The following POLN variants were observed in gnomAD, a reference collection of about 807,000 sequenced individuals.
POLN encodes the protein DNA polymerase N.
A neutral mutation model predicts 113.5 loss-of-function variants in POLN; 108 were observed. The ratio of observed to expected loss-of-function variants is 0.95; its 90% CI spans 0.81 to 1.12. POLN has a LOEUF of 1.12. Ranked by LOEUF, POLN falls within the 50% of genes most tolerant of loss-of-function variation. The probability of loss-of-function intolerance (pLI) is 0.00; values close to 1 mark genes in which losing one functional copy is unlikely to be tolerated. For missense variants in POLN, 1,097 were observed against 1,077.1 expected, an observed-to-expected ratio of 1.02 and a Z score of -0.26; for synonymous variants, 386 against 391.5, an observed-to-expected ratio of 0.99 and a Z score of 0.17.
chr4:2,149,437 G>C (rs1732233809), intron 16 of POLN, among the ~76,000 whole-genome samples: 1 of 152,156 alleles, frequency 6.6e-6, no homozygotes, highest in Non-Finnish European at 1.5e-5. Context: ...AAATGTTAAA[G>C]GATGTCCTTT....
At chr4:2,125,336 G>A (rs1336675475) in intron 19 of POLN, among the ~76,000 whole-genome samples, 1 of 152,216 alleles carries the variant, frequency 6.6e-6, no homozygotes, top group Non-Finnish European at 1.5e-5. Context: ...CGGAGACAGT[G>A]AGGTGGGGTG....
At chr4:2,220,404 T>TTTC (rs1191577470) in intron 3 of POLN, among the ~76,000 whole-genome samples, 2 of 152,088 alleles carry the variant, frequency 1.3e-5, no homozygotes, top group African/African-American at 2.4e-5. Flanking sequence ...TCCTACTGAG[T>TTTC]TTCACAAGCA....
At chr4:2,171,006 A>G in intron 12 of POLN, 92 bp downstream of exon 12, 1 of 1,181,262 alleles carries the variant, frequency 8.5e-7, no homozygotes, top group African/African-American at 1.6e-5. Context: ...CAGATAGTTG[A>G]CATAAAATAA....
At chr4:2,081,240 G>A (rs1036979631) in intron 22 of POLN, 2 of 1,489,636 alleles carry the variant, frequency 1.3e-6, no homozygotes, top group Admixed American at 3.9e-5. Flanking sequence ...AGGGCACCTG[G>A]GTTTTGGGTG....
intron 7 of POLN, among the ~76,000 whole-genome samples, chr4:2,189,013 G>C (rs532367128): frequency 2.0e-5 from 3 of 151,658 alleles, no homozygotes; most frequent in South Asian, 2.1e-4. Context: ...TTTTTGTAAG[G>C]CTCCTTTTTA....
At chr4:2,173,842 C>T in intron 11 of POLN, 113 bp downstream of exon 11, 4 of 1,053,612 alleles carry the variant, frequency 3.8e-6, no homozygotes, top group Non-Finnish European at 5.8e-6. Context: ...ACACTGTCAA[C>T]ACCAAACAAG....
At chr4:2,226,169 C>T (rs746712929) in intron 3 of POLN, among the ~76,000 whole-genome samples, 1 of 152,010 alleles carries the variant, frequency 6.6e-6, no homozygotes, top group East Asian at 1.9e-4. Flanking sequence ...CAGCTCCAAC[C>T]GATGGGAAGC....
chr4:2,104,794 T>C (rs886671866), intron 19 of POLN, among the ~76,000 whole-genome samples: 26 of 152,172 alleles, frequency 1.7e-4, no homozygotes, highest in Non-Finnish European at 3.4e-4. Context: ...GCCCCATGAA[T>C]AGACTGTGGC....
chr4:2,229,081 T>A lies in POLN; in HGVS notation c.133+18A>T. Reference sequence around the variant, plus strand: ...TTCAAAGTATCAAGAGAAAGAAAGGTTCATAAAAATTACTTACTCTCTGTA... The same window carrying A: ...TTCAAAGTATCAAGAGAAAGAAAGGATCATAAAAATTACTTACTCTCTGTA... On this transcript the variant is annotated intron_variant, in intron 3 of 25. Transcript: ENST00000511885. The A allele has an allele frequency of 6.4e-7, 1 of 1,563,756 alleles. No homozygotes were observed. The highest frequency in any genetic ancestry group is 8.7e-7 in the Non-Finnish European group (1 of 1,149,766).
chr4:2,189,275 A>C (rs1233721365), intron 7 of POLN, among the ~76,000 whole-genome samples: 1 of 152,244 alleles, frequency 6.6e-6, no homozygotes, highest in Non-Finnish European at 1.5e-5. Context: ...TGCTTACTAG[A>C]AACCCACTTT....
chr4:2,159,118 C>G (rs534064895), intron 14 of POLN, 37 bp downstream of exon 14: 8 of 1,482,394 alleles, frequency 5.4e-6, no homozygotes, highest in Non-Finnish European at 5.7e-6. Context: ...TCCCCCTCAT[C>G]ACCTTTTACC....
intron 3 of POLN, among the ~76,000 whole-genome samples, chr4:2,213,357 A>T (rs1442863960): frequency 2.0e-5 from 3 of 152,230 alleles, no homozygotes; most frequent in Non-Finnish European, 4.4e-5. Flanking sequence ...TAATCATAAA[A>T]CATTTATTAA....
intron 19 of POLN, among the ~76,000 whole-genome samples, chr4:2,106,771 C>T (rs966350096): frequency 5.9e-5 from 9 of 151,668 alleles, no homozygotes; most frequent in Non-Finnish European, 2.9e-5. Flanking sequence ...TTATTCATAC[C>T]ACTGTGTTTT....
intron 3 of POLN, chr4:2,228,585 C>T (rs1289264160): frequency 5.9e-6 from 1 of 169,890 alleles, no homozygotes; most frequent in African/African-American, 2.4e-5. Context: ...GATCGCCGAC[C>T]TCGGCCTCCC....
chr4:2,173,766 C>T (rs1268746460), intron 11 of POLN, among the ~76,000 whole-genome samples, 189 bp downstream of exon 11: 6 of 152,120 alleles, frequency 3.9e-5, no homozygotes, highest in Non-Finnish European at 7.3e-5. Context: ...GACACACACG[C>T]ACTAGATGCT....
intron 13 of POLN, among the ~76,000 whole-genome samples, chr4:2,166,761 C>T (rs1325525378): frequency 6.6e-6 from 1 of 152,154 alleles, no homozygotes; most frequent in East Asian, 1.9e-4. Flanking sequence ...TGGCGACACT[C>T]AGCCTTGGAC....
chr4:2,160,481 AC>A (rs2108741932), intron 13 of POLN, among the ~76,000 whole-genome samples: 1 of 151,992 alleles, frequency 6.6e-6, no homozygotes, highest in South Asian at 2.1e-4. Flanking sequence ...ATCATAACTC[AC>A]TGCAACCTTA....
intron 16 of POLN, among the ~76,000 whole-genome samples, chr4:2,134,785 A>G (rs934503883): frequency 6.6e-6 from 1 of 152,228 alleles, no homozygotes; most frequent in African/African-American, 2.4e-5. Flanking sequence ...CACAACGTTG[A>G]ACAGCTGGAG....
intron 19 of POLN, among the ~76,000 whole-genome samples, chr4:2,123,654 A>T (rs1321159517): frequency 6.6e-6 from 1 of 151,388 alleles, no homozygotes; most frequent in South Asian, 2.1e-4. Context: ...AAGAAAAAAA[A>T]ATTCAGCCAG....
Sources: allele counts gnomAD v4.1 joint callset (sites outside exome capture counted in the v4.1 genomes callset), GRCh38; gene constraint gnomAD v4.1.1; transcripts MANE v1.5; gene names NCBI Gene and HGNC (gene_info 2026-07-23, HGNC 2026-07-21).